Variants in FN1 observed in about 807,000 individuals in gnomAD.
The protein encoded by FN1 is fibronectin.
In FN1, 106 loss-of-function variants were observed where a neutral mutation model predicts 297.3. The observed-to-expected ratio is 0.36, with a 90% CI of 0.30 to 0.42. FN1 has a LOEUF of 0.42. Ranked by LOEUF, FN1 falls within the 10% of genes least tolerant of loss-of-function variation. FN1 has a pLI of 1.00. For missense variants in FN1, 2,690 were observed against 3,124.9 expected, an observed-to-expected ratio of 0.86 and a Z score of 3.32; for synonymous variants, 1,149 against 1,152.6, an observed-to-expected ratio of 1.00 and a Z score of 0.06.
In FN1 at chr2:215,421,871, T is replaced by C. The variant is rs552762160; in HGVS notation, c.1546+220A>G. On this transcript the variant is annotated intron_variant, in intron 10 of 45. Coordinates refer to ENST00000354785, the MANE Select transcript of FN1 (RefSeq NM_212482.4). Reference sequence around the variant, plus strand: ...TGGCTCAGCCTAAGTACTTACATGCTAGGAGTGTTTCAGAACATTAGCATT... The same window carrying C: ...TGGCTCAGCCTAAGTACTTACATGCCAGGAGTGTTTCAGAACATTAGCATT... Among the ~76,000 whole-genome samples the C allele has an allele frequency of 2.0e-5, 3 of 152,320 alleles. No homozygotes were observed. In the South Asian group the frequency reaches 6.2e-4, roughly 32 times the overall value.
chr2:215,386,577 T>A, intron 28 of FN1, 112 bp downstream of exon 28: 1 of 530,118 alleles, frequency 1.9e-6, no homozygotes, highest in Non-Finnish European at 3.0e-6. Flanking sequence ...TATTTTTTTT[T>A]TTTTTTTTTT....
chr2:215,412,073 G>C (rs188962521), intron 13 of FN1, among the ~76,000 whole-genome samples: 18 of 152,226 alleles, frequency 1.2e-4, no homozygotes, highest in Admixed American at 1.0e-3. Flanking sequence ...GTAATAAGAA[G>C]ATGAGAGACT....
rs1439762138 is a variant in FN1, at chr2:215,380,920, T to G, written c.5325A>C (p.Glu1775Asp). 6.2e-7 allele frequency: 1 copy of G among 1,614,098 alleles called. No homozygotes were observed. Among genetic ancestry groups the G allele is most frequent in the Non-Finnish European group, 8.5e-7 (1 of 1,180,048 alleles). Reference protein sequence around the residue: ...HELFPAPDGEEDTAELQGLRP... With the variant: ...HELFPAPDGEDDTAELQGLRP... ...TGAGGCCTTGCAGCTCTGCAGTGTC[T>G]TCTTCACCATCAGGTGCAGGGAATA... is the stretch of plus-strand genomic sequence containing the variant. Residue 1775 changes from glutamate to aspartate, a missense_variant, in exon 33 of 46, where the codon GAA becomes GAC. By Grantham distance (45) the Glu-to-Asp change is conservative (BLOSUM62 2). Transcript: ENST00000354785.
chr2:215,408,413 T>C lies in FN1; in HGVS notation c.2313A>G (p.Thr771=), dbSNP rs2062088680. The change falls in exon 16 of 46, where the codon ACA becomes ACG. Residue 771 remains threonine (T), a synonymous_variant. Transcript: ENST00000354785. ...GGTCAGGGATGTTCACAGAAGTGGC[T>C]GTGCTTGGAAGATCTTTGAAATGAA... ...DEPQYLDLPS[T]ATSVNIPDLL... is the part of the protein sequence containing the mutation. The C allele has an allele frequency of 1.2e-6, 2 of 1,614,182 alleles. No individual in the cohort carries two copies. Among genetic ancestry groups the C allele is most frequent in the Non-Finnish European group, 1.7e-6 (2 of 1,180,018 alleles).
intron 40 of FN1, 78 bp downstream of exon 40, chr2:215,371,831 C>T (rs905763298): frequency 6.9e-6 from 9 of 1,308,914 alleles, no homozygotes; most frequent in African/African-American, 2.9e-5. Context: ...ACTTTTTATT[C>T]GAGGGCTGGT....
rs1477301073 is a variant in FN1, at chr2:215,390,712, G to C, written c.4252+920C>G. 2.0e-5 allele frequency among the ~76,000 whole-genome samples: 3 copies of C among 152,102 alleles called. No homozygotes were observed. In the East Asian group the frequency reaches 5.8e-4, roughly 29 times the overall value. ...AGAACAGAAGCAACAGCCCTGGGGT[G>C]GTGGATATGCCAATATAAAGATATT... On this transcript the variant is annotated intron_variant, in intron 26 of 45. Transcript: ENST00000354785.
Position 215,430,871 on chromosome 2 carries a change from G to T in FN1, c.548-19C>A. ...TTCTCAGCTGTAGGGAAATTTGGAA[G>T]AAAAACAGGAAAAAAAGGTTATTTT... On this transcript the variant is annotated intron_variant, in intron 4 of 45. Coordinates refer to ENST00000354785, the MANE Select transcript of FN1 (RefSeq NM_212482.4). 6.2e-7 allele frequency: 1 copy of T among 1,613,226 alleles called. No individual in the cohort carries two copies.
chr2:215,380,632 T>C, intron 33 of FN1, 179 bp downstream of exon 33: 1 of 854,010 alleles, frequency 1.2e-6, no homozygotes, highest in Non-Finnish European at 1.9e-6. Flanking sequence ...ATCAGACTTG[T>C]TTCCTTAAAT....
intron 24 of FN1, 75 bp downstream of exon 24, chr2:215,394,453 T>A (rs2060069143): frequency 7.4e-6 from 9 of 1,220,552 alleles, no homozygotes; most frequent in Non-Finnish European, 9.7e-6. Flanking sequence ...CCCTTAAGCA[T>A]CTGGGGATTA....
At chr2:215,364,198 CCT>C (rs1409640740) in intron 44 of FN1, among the ~76,000 whole-genome samples, 2 of 152,238 alleles carry the variant, frequency 1.3e-5, no homozygotes, top group African/African-American at 4.8e-5. Flanking sequence ...TTTCTCATTT[CCT>C]CTGTTTTTCC....
intron 17 of FN1, 118 bp downstream of exon 17, chr2:215,407,990 C>G: frequency 1.3e-6 from 1 of 798,436 alleles, no homozygotes; most frequent in Non-Finnish European, 2.2e-6. Context: ...AAACCCCTCT[C>G]CCATAAATTA....
At chr2:215,408,486 C>T in intron 15 of FN1, 60 bp from the exon 16 acceptor site, 5 of 1,533,604 alleles carry the variant, frequency 3.3e-6, no homozygotes, top group Non-Finnish European at 9.0e-7. Context: ...AATGACTCTA[C>T]AGCTTATAAG....
At chr2:215,435,196 C>A (rs1013790730) in intron 1 of FN1, among the ~76,000 whole-genome samples, 1 of 152,102 alleles carries the variant, frequency 6.6e-6, no homozygotes, top group African/African-American at 2.4e-5. Flanking sequence ...AGGTCTGAAC[C>A]AATTACATCT....
intron 38 of FN1, 91 bp downstream of exon 38, chr2:215,375,123 A>G: frequency 7.9e-7 from 1 of 1,262,124 alleles, no homozygotes; most frequent in Non-Finnish European, 1.2e-6. Context: ...CATTCTCATG[A>G]CACAGTATCA....
At position 215,394,698 on chromosome 2, in the gene FN1, G is replaced by A. The variant is rs762276853; in HGVS notation, c.3626C>T (p.Thr1209Ile). ...TTPDITGYRI[T>I]TTPTNGQQGN... ...CTGCTGGCCGTTTGTAGGGGTTGTG[G>A]TAATTCTATAACCAGTAATGTCTGG... Residue 1209 changes from threonine (T) to isoleucine (I), a missense_variant, in exon 24 of 46, where the codon ACC (threonine) becomes ATC (isoleucine). Around this residue, in one of 3 missense-constraint regions of FN1, gnomAD observed 1,743 missense variants for 1,945.2 expected, o/e 0.90. Transcript: ENST00000354785. 5.1e-5 allele frequency: 82 copies of A among 1,613,774 alleles called. No individual in the cohort carries two copies. The highest frequency in any genetic ancestry group is 6.5e-5 in the Non-Finnish European group (77 of 1,179,866).
chr2:215,380,928 C>T lies in FN1; in HGVS notation c.5317G>A (p.Gly1773Ser), dbSNP rs1455229586. The T allele has an allele frequency of 1.2e-6, 2 of 1,614,224 alleles. No individual in the cohort carries two copies. Among genetic ancestry groups the T allele is most frequent in the Non-Finnish European group, 1.7e-6 (2 of 1,180,042 alleles). ...GIHELFPAPD[G>S]EEDTAELQGL... ...TGCAGCTCTGCAGTGTCTTCTTCAC[C>T]ATCAGGTGCAGGGAATAGCTCATGG... is the stretch of plus-strand genomic sequence containing the variant. The change falls in exon 33 of 46, where the codon GGT becomes AGT. Residue 1773 changes from glycine (G) to serine (S), a missense_variant. By Grantham distance (56) the Gly-to-Ser change is moderately conservative. Transcript: ENST00000354785.
intron 12 of FN1, among the ~76,000 whole-genome samples, chr2:215,415,164 C>T (rs2063260689): frequency 6.6e-6 from 1 of 152,014 alleles, no homozygotes; most frequent in African/African-American, 2.4e-5. Context: ...TTATTCTTCA[C>T]ATGAGAAATG....
At chr2:215,411,058 T>G (rs1245875831) in intron 13 of FN1, among the ~76,000 whole-genome samples, 7 of 152,238 alleles carry the variant, frequency 4.6e-5, no homozygotes, top group African/African-American at 1.4e-4. Context: ...GAGTCTGGTT[T>G]TGTGACTCAT....
At chr2:215,363,484 C>G (rs1018700528) in intron 44 of FN1, 3 of 152,344 alleles carry the variant, frequency 2.0e-5, no homozygotes, top group Non-Finnish European at 4.4e-5. Context: ...CATGTAATCA[C>G]TGGGGGTGAA....
Sources: gnomAD v4.1 joint callset for allele counts (sites outside exome capture counted in the v4.1 genomes callset) on GRCh38, gnomAD v4.1.1 for gene constraint, gnomAD v4.1.1 regional missense constraint, MANE v1.5 for transcripts, NCBI Gene and HGNC (gene_info 2026-07-23, HGNC 2026-07-21) for gene names.